Variants in GMIP observed in about 807,000 individuals in gnomAD.
GMIP encodes GEM interacting protein, also known as GEM-interacting protein.
GMIP carries 54 observed loss-of-function variants against 105.3 expected under a neutral mutation model. The observed-to-expected ratio is 0.51, with a 90% CI of 0.41 to 0.64. GMIP has a LOEUF of 0.64. GMIP is among the 30% of genes least tolerant of loss of function. The pLI is 0.00. For synonymous variants in GMIP, 541 were observed against 560.8 expected (o/e 0.96, Z 0.50); for missense variants, 1,110 against 1,319.4 (o/e 0.84, Z 2.46).
At position 19,633,974 on chromosome 19, in the gene GMIP, C is replaced by T. The variant is rs573474990; in HGVS notation, c.2301G>A (p.Glu767=). Residue 767 remains glutamate, a synonymous_variant, in exon 19 of 21, where the codon GAG becomes GAA. Coordinates refer to ENST00000203556, the MANE Select transcript of GMIP (RefSeq NM_016573.4). The stretch of plus-strand genomic sequence containing the variant: ...CTGGGCTGGAGTCTTGGGGCGGGGG[C>T]TCAGTGGCCTGGGGGAGCTCATCCA... ...FGMDELPQAT[E]PPPQDSSPAP... 1.3e-6 allele frequency: 2 copies of T among 1,589,974 alleles called. No individual in the cohort carries two copies. Among genetic ancestry groups the T allele is most frequent in the East Asian group, 2.3e-5 (1 of 44,128 alleles).
intron 7 of GMIP, among the ~76,000 whole-genome samples, chr19:19,639,370 C>G (rs2061893841): frequency 6.6e-6 from 1 of 151,876 alleles, no homozygotes; most frequent in African/African-American, 2.4e-5. Context: ...CATGAGCCAC[C>G]GTGCCAGGCT....
Position 19,638,455 on chromosome 19 carries a change from C to T in GMIP, c.565G>A (p.Glu189Lys), listed in dbSNP as rs779107164. Residue 189 changes from glutamate to lysine, a missense_variant, in exon 8 of 21, where the codon GAG becomes AAG. By Grantham distance (56) the Glu-to-Lys change is moderately conservative (BLOSUM62 1). Around this residue, in one of 3 missense-constraint regions of GMIP, gnomAD observed 667 missense variants for 773.2 expected, o/e 0.86. Coordinates refer to ENST00000203556, the MANE Select transcript of GMIP (RefSeq NM_016573.4). The part of the protein sequence containing the change: ...QPLAAKRTEI[E>K]KWRKEFKEQW... ...TCCTTGAACTCCTTCCGCCACTTCT[C>T]AATCTCAGTCCGTTTGGCGGCGAGG... is the stretch of plus-strand genomic sequence containing the variant. 1.9e-6 allele frequency: 3 copies of T among 1,614,040 alleles called. No individual in the cohort carries two copies. The African/African-American group carries it at 4.0e-5, about 22-fold the overall frequency.
chr19:19,634,081 G>T lies in GMIP; in HGVS notation c.2194C>A (p.Pro732Thr). 1 of 1,613,364 alleles carries T rather than the reference G, an allele frequency of 6.2e-7. No homozygotes were observed. Among genetic ancestry groups the T allele is most frequent in the Non-Finnish European group, 8.5e-7 (1 of 1,179,872 alleles). ...PDGPRAASAI[P>T]VTCLLDSGHQ... is the part of the protein sequence containing the mutation. ...CCAGAGTCCAGCAGGCAGGTGACAG[G>T]GATGGCGCTGGCTGCCCGCGGGCCG... The change falls in exon 19 of 21, where the codon CCT (proline) becomes ACT (threonine). Residue 732 changes from proline to threonine, a missense_variant. Pro to Thr is a conservative substitution (Grantham distance 38). Coordinates refer to ENST00000203556, the MANE Select transcript of GMIP (RefSeq NM_016573.4). The surrounding 1 kb of genome is among the most constrained non-coding windows in gnomAD (Gnocchi z 6.1).
Position 19,637,534 on chromosome 19 carries a change from C to T in GMIP, c.955G>A (p.Gly319Arg), listed in dbSNP as rs762372346. 1 of 1,533,858 alleles carries T rather than the reference C, an allele frequency of 6.5e-7. No homozygotes were observed. Among genetic ancestry groups the T allele is most frequent in the South Asian group, 1.2e-5 (1 of 83,250 alleles). ...CGGGGGCCACGCTCTGCCTGCGCCC[C>T]CCGCAGCCCGAAGAGACTCAGCGTC... ...RVTLSLFGLR[G>R]AQAERGPRAF... is the part of the protein sequence containing the mutation. Residue 319 changes from glycine (G) to arginine (R), a missense_variant, in exon 11 of 21, where the codon GGG (glycine) becomes AGG (arginine). Gly to Arg is a moderately radical substitution (Grantham distance 125, BLOSUM62 -2). Transcript: ENST00000203556. This position sits in a 1 kb window ranked among gnomAD's most constrained non-coding sequence, Gnocchi z 6.7.
Position 19,629,885 on chromosome 19 carries a change from ACTAGG to A in GMIP, c.*73_*77del. On this transcript the variant is annotated 3_prime_UTR_variant, in exon 21 of 21. Transcript: ENST00000203556. Reference sequence around the variant, plus strand: ...TGAACTCCTGGCGGGGTGTTTGGCCACTAGGTGGTGGGAGGTAGGGATATATGGGT... The same window carrying A: ...TGAACTCCTGGCGGGGTGTTTGGCCATGGTGGGAGGTAGGGATATATGGGT... 5.7e-6 allele frequency: 8 copies of A among 1,415,646 alleles called. No homozygotes were observed. Among genetic ancestry groups the A allele is most frequent in the Non-Finnish European group, 7.6e-6 (8 of 1,048,778 alleles). 87.7% of individuals were successfully genotyped at this position (1,415,646 alleles called of 1,614,324 possible). A position where few individuals can be genotyped will look rare whatever the true frequency, so the allele number is the denominator to read the frequency against.
Position 19,640,147 on chromosome 19 carries a change from C to T in GMIP, c.475G>A (p.Asp159Asn), listed in dbSNP as rs1220823788. 4.3e-6 allele frequency: 7 copies of T among 1,613,710 alleles called. No individual in the cohort carries two copies. Among genetic ancestry groups the T allele is most frequent in the African/African-American group, 1.3e-5 (1 of 74,856 alleles). Residue 159 changes from aspartate to asparagine, a missense_variant, in exon 7 of 21, where the codon GAT (aspartate) becomes AAT (asparagine). This residue lies in a region of GMIP where 667 missense variants were observed against 773.2 expected (regional missense o/e 0.86). Coordinates refer to ENST00000203556, the MANE Select transcript of GMIP (RefSeq NM_016573.4). ...ATGGCCAGGGTTCCCAGGCTGAGAT[C>T]GTGCTCCAGAAACAGGGTGTAGATG... The part of the protein sequence containing the change: ...QYIYTLFLEH[D>N]LSLGTLAMET...
Position 19,634,205 on chromosome 19 carries a change from A to G in GMIP, c.2085-15T>C, listed in dbSNP as rs751571346. 22 of 1,575,878 alleles carry G rather than the reference A, an allele frequency of 1.4e-5. 1 individual carries two copies. The East Asian group carries it at 4.1e-4, about 29-fold the overall frequency. On this transcript the variant is annotated splice_polypyrimidine_tract_variant and intron_variant, in intron 18 of 20. Coordinates refer to ENST00000203556, the MANE Select transcript of GMIP (RefSeq NM_016573.4). This position sits in a 1 kb window ranked among gnomAD's most constrained non-coding sequence, Gnocchi z 6.1. The stretch of plus-strand genomic sequence containing the variant: ...GTGCAGCCACCCTGGGGATGGTGTG[A>G]AGAGAAAGGTCAGGGTACAGGATGC...
In GMIP at chr19:19,638,154, C is replaced by T. The variant is rs377324221; in HGVS notation, c.789+5G>A. On this transcript the variant is annotated splice_donor_5th_base_variant and intron_variant, in intron 9 of 20. Coordinates refer to ENST00000203556, the MANE Select transcript of GMIP (RefSeq NM_016573.4). ...CGCTACAGGGGCTCGGGGCCGGGTG[C>T]CCACCTTGGCCTGGGCCTCCTCTCG... The T allele has an allele frequency of 6.3e-7, 1 of 1,578,994 alleles. No homozygotes were observed. The highest frequency in any genetic ancestry group is 2.3e-5 in the East Asian group (1 of 43,758).
intron 1 of GMIP, 64 bp downstream of exon 1, chr19:19,643,447 T>C (rs547046419): frequency 7.1e-7 from 1 of 1,400,174 alleles, no homozygotes; most frequent in South Asian, 1.2e-5. Flanking sequence ...GACAAGTGTG[T>C]GCCCTCAATG....
rs1029422870 is a variant in GMIP at position 19,634,435 on chromosome 19, C to G, written c.2084+72G>C. The G allele has an allele frequency of 7.7e-7, 1 of 1,305,904 alleles. No homozygotes were observed. The highest frequency in any genetic ancestry group is 1.1e-6 in the Non-Finnish European group (1 of 922,866). 80.9% of individuals were successfully genotyped at this position (1,305,904 alleles called of 1,614,324 possible). A position where few individuals can be genotyped will look rare whatever the true frequency, so the allele number is the denominator to read the frequency against. On this transcript the variant is annotated intron_variant, in intron 18 of 20. Coordinates refer to ENST00000203556, the MANE Select transcript of GMIP (RefSeq NM_016573.4). This position sits in a 1 kb window ranked among gnomAD's most constrained non-coding sequence, Gnocchi z 6.1. ...AAGGTCAGAGGTCAGTGTCAGGGGT[C>G]AGCCAGGGAAGTTAGTAGTCGCATG...
In GMIP at chr19:19,635,184, C is replaced by CA; in HGVS notation, c.1589dup (p.Glu531GlyfsTer22). ...GTCCACAGAGGATCAGGAGAGTCTC[C>CA]AGGCAGCGCTTGTGGCAGGTCAGAA... On this transcript the variant is annotated frameshift_variant, in exon 16 of 21. Coordinates refer to ENST00000203556, the MANE Select transcript of GMIP (RefSeq NM_016573.4). LOFTEE classifies it high-confidence loss of function. The surrounding 1 kb of genome is among the most constrained non-coding windows in gnomAD (Gnocchi z 4.7). The CA allele has an allele frequency of 6.2e-7, 1 of 1,613,614 alleles. No individual in the cohort carries two copies. Among genetic ancestry groups the CA allele is most frequent in the Non-Finnish European group, 8.5e-7 (1 of 1,179,750 alleles).
chr19:19,632,488 C>T (rs997457579), intron 19 of GMIP, among the ~76,000 whole-genome samples: 1 of 151,922 alleles, frequency 6.6e-6, no homozygotes, highest in Admixed American at 6.6e-5. Flanking sequence ...GAGCCGAGAT[C>T]GCACCACTGC....
intron 1 of GMIP, 88 bp from the exon 2 acceptor site, chr19:19,642,707 G>A: frequency 3.3e-6 from 2 of 610,930 alleles, no homozygotes; most frequent in East Asian, 2.8e-5. Context: ...GGGGGTGGAA[G>A]AGAAAGGGAA....
chr19:19,635,055 A>T lies in GMIP; in HGVS notation c.1719T>A (p.Ala573=), dbSNP rs762442923. The part of the protein sequence containing the change: ...EVPFVVTKCT[A]EIEHRALDVQ... ...CATCCAGGGCACGGTGTTCTATCTC[A>T]GCCGTGCACTTCGTGACCACAAAGG... The change falls in exon 16 of 21, where the codon GCT becomes GCA. Residue 573 remains alanine, a synonymous_variant. Transcript: ENST00000203556. This position sits in a 1 kb window ranked among gnomAD's most constrained non-coding sequence, Gnocchi z 4.7. 1 of 1,613,452 alleles carries T rather than the reference A, an allele frequency of 6.2e-7. No homozygotes were observed. Among genetic ancestry groups the T allele is most frequent in the South Asian group, 1.1e-5 (1 of 91,054 alleles).
intron 19 of GMIP, 106 bp downstream of exon 19, chr19:19,633,696 GA>G (rs1007481756): frequency 4.3e-5 from 34 of 783,744 alleles, no homozygotes; most frequent in Non-Finnish European, 6.1e-5. Flanking sequence ...AGGAAGGGAG[GA>G]AGAGAATGAA....
In GMIP at chr19:19,638,242, C is replaced by T; in HGVS notation, c.706G>A (p.Glu236Lys). The T allele has an allele frequency of 6.2e-7, 1 of 1,602,942 alleles. No individual in the cohort carries two copies. The highest frequency in any genetic ancestry group is 8.5e-7 in the Non-Finnish European group (1 of 1,179,234). ...DLRARSQGSP[E>K]DSAPQASPGP... The stretch of plus-strand genomic sequence containing the variant: ...GGCGAGGCCTGGGGGGCCGAGTCCT[C>T]AGGGGACCCCTGGGAGCGTGCCCGC... The change falls in exon 9 of 21, where the codon GAG becomes AAG. Residue 236 changes from glutamate to lysine, a missense_variant. Around this residue, in one of 3 missense-constraint regions of GMIP, gnomAD observed 667 missense variants for 773.2 expected, o/e 0.86. Coordinates refer to ENST00000203556, the MANE Select transcript of GMIP (RefSeq NM_016573.4).
chr19:19,641,868 C>CTG lies in GMIP; in HGVS notation c.181-3_181-2dup, dbSNP rs1263701712. 2.5e-6 allele frequency: 4 copies of CTG among 1,613,330 alleles called. No homozygotes were observed. In the Admixed American group the frequency reaches 6.7e-5, roughly 27 times the overall value. ...CGCTCCAACAGCTGGCTTCGTTGGTCTGTGCGGGAGGGAGACAGTATTCAG... is the reference window on the plus strand; with the variant it reads ...CGCTCCAACAGCTGGCTTCGTTGGTCTGTGTGCGGGAGGGAGACAGTATTCAG... On this transcript the variant is annotated splice_acceptor_variant, in intron 3 of 20. Transcript: ENST00000203556. LOFTEE classifies it high-confidence loss of function.
chr19:19,641,211 T>G (rs1568419681), intron 4 of GMIP, among the ~76,000 whole-genome samples: 3 of 151,726 alleles, frequency 2.0e-5, no homozygotes, highest in Admixed American at 1.3e-4. Flanking sequence ...CTCCCGAGTA[T>G]CTGGGACTAC....
At chr19:19,643,137 G>C (rs1599420462) in intron 1 of GMIP, 1 of 271,788 alleles carries the variant, frequency 3.7e-6, no homozygotes, top group East Asian at 6.8e-5. Flanking sequence ...CTCCTAAGGG[G>C]CCTAGACCAG....
Sources: allele counts gnomAD v4.1 joint callset (sites outside exome capture counted in the v4.1 genomes callset), GRCh38; gene constraint gnomAD v4.1.1; regional missense constraint gnomAD v4.1.1; non-coding constraint Gnocchi (gnomAD v3.1); transcripts MANE v1.5; gene names NCBI Gene and HGNC (gene_info 2026-07-23, HGNC 2026-07-21).